The following NTNG1 variants were observed in gnomAD, a reference collection of about 807,000 sequenced individuals.
NTNG1 encodes netrin-G1.
Under a neutral mutation model 54.0 loss-of-function variants are expected in NTNG1, and 16 were observed. The observed-to-expected ratio is 0.30, with a 90% CI of 0.20 to 0.45. The LOEUF is 0.45. Among genes scored for constraint, NTNG1 ranks in the 20% least tolerant of loss-of-function variants. The pLI is 1.00. For missense variants in NTNG1, 530 were observed against 678.7 expected (o/e 0.78, Z 2.43); for synonymous variants, 255 against 263.1 (o/e 0.97, Z 0.30).
chr1:107,185,665 T>C (rs958381112), intron 2 of NTNG1, among the ~76,000 whole-genome samples: 2 of 152,152 alleles, frequency 1.3e-5, no homozygotes, highest in Non-Finnish European at 2.9e-5. Context: ...TCTTTAGCCT[T>C]GAAAGTTACG....
At chr1:107,353,594 C>T (rs1669762339) in intron 3 of NTNG1, among the ~76,000 whole-genome samples, 1 of 152,170 alleles carries the variant, frequency 6.6e-6, no homozygotes, top group Admixed American at 6.6e-5. Context: ...CTGTCTTCTT[C>T]TGAGCACTCC....
At chr1:107,342,054 C>T (rs569174353) in intron 3 of NTNG1, among the ~76,000 whole-genome samples, 99 of 152,084 alleles carry the variant, frequency 6.5e-4, no homozygotes, top group African/African-American at 2.2e-3. Flanking sequence ...ACATCAAAAA[C>T]CCATTTAAAA....
chr1:107,334,762 G>A (rs962728814), intron 3 of NTNG1, among the ~76,000 whole-genome samples: 38 of 151,928 alleles, frequency 2.5e-4, no homozygotes, highest in Admixed American at 1.7e-3. Context: ...TCTGCGTCCC[G>A]TGCCTACAAC....
intron 4 of NTNG1, among the ~76,000 whole-genome samples, chr1:107,396,243 T>C (rs1039701652): frequency 5.3e-5 from 8 of 152,114 alleles, no homozygotes; most frequent in Non-Finnish European, 1.2e-4. Flanking sequence ...AAGCCACTGC[T>C]TCCGTAGAAG....
intron 2 of NTNG1, among the ~76,000 whole-genome samples, chr1:107,207,880 G>A (rs1312149851): frequency 2.6e-5 from 4 of 152,104 alleles, no homozygotes; most frequent in Admixed American, 2.0e-4. Flanking sequence ...CACATGCCAT[G>A]GACTTAAACA....
intron 2 of NTNG1, among the ~76,000 whole-genome samples, chr1:107,270,122 C>T (rs1221530816): frequency 6.6e-6 from 1 of 152,166 alleles, no homozygotes; most frequent in Admixed American, 6.5e-5. Flanking sequence ...TCACCTTAAA[C>T]AGAAAGACAG....
intron 2 of NTNG1, among the ~76,000 whole-genome samples, chr1:107,206,257 G>A (rs1334273950): frequency 6.6e-6 from 1 of 152,054 alleles, no homozygotes; most frequent in African/African-American, 2.4e-5. Context: ...ACACTACCCA[G>A]AATGTATGAA....
At chr1:107,301,469 C>G (rs1274980004) in intron 2 of NTNG1, among the ~76,000 whole-genome samples, 3 of 152,180 alleles carry the variant, frequency 2.0e-5, no homozygotes, top group African/African-American at 7.2e-5. Context: ...TCAAACCCAT[C>G]TAATGTGTAC....
intron 2 of NTNG1, among the ~76,000 whole-genome samples, chr1:107,310,099 T>C (rs1455633886): frequency 6.6e-6 from 1 of 152,116 alleles, no homozygotes; most frequent in Non-Finnish European, 1.5e-5. Flanking sequence ...ATTGATTCCT[T>C]CTCCATTTCA....
At position 107,148,721 on chromosome 1, in the gene NTNG1, A is replaced by G; in HGVS notation, c.128A>G (p.Lys43Arg). 6.2e-7 allele frequency: 1 copy of G among 1,613,810 alleles called. No homozygotes were observed. Among genetic ancestry groups the G allele is most frequent in the Non-Finnish European group, 8.5e-7 (1 of 1,179,782 alleles). ...CKTQIYTEEG[K>R]VWDYMACQPE... ...ACTCAGATTTACACGGAAGAAGGGA[A>G]AGTTTGGGATTACATGGCCTGCCAG... is the stretch of plus-strand genomic sequence containing the variant. The change falls in exon 2 of 8, where the codon AAA becomes AGA. Residue 43 changes from lysine (K) to arginine (R), a missense_variant. This residue lies in a region of NTNG1 where 318 missense variants were observed against 465.1 expected (regional missense o/e 0.68). Coordinates refer to ENST00000370068, the MANE Select transcript of NTNG1 (RefSeq NM_001113226.3).
intron 3 of NTNG1, among the ~76,000 whole-genome samples, chr1:107,385,340 G>C (rs1426560827): frequency 2.6e-5 from 4 of 151,694 alleles, no homozygotes; most frequent in Non-Finnish European, 4.4e-5. Flanking sequence ...AGTCCATGTG[G>C]TCCTGGTCTC....
rs139969897 is a variant in NTNG1, at chr1:107,259,789, C to T, written c.247-64493C>T. On this transcript the variant is annotated intron_variant, in intron 2 of 7. Transcript: ENST00000370068. ...TGTGACGCAGATGACATATATCTTT[C>T]GCAGACTGATTTCTTTTGATTAGGT... Among the ~76,000 whole-genome samples the T allele has an allele frequency of 4.2e-3, 639 of 152,262 alleles. 5 individuals are homozygous for T. The highest frequency in any genetic ancestry group is 0.014 in the African/African-American group (598 of 41,566).
intron 4 of NTNG1, 147 bp downstream of exon 4, chr1:107,395,473 C>G: frequency 1.3e-6 from 1 of 792,456 alleles, no homozygotes; most frequent in Non-Finnish European, 2.3e-6. Context: ...CCCTATCTTA[C>G]CTCATGTAGA....
chr1:107,297,312 T>G (rs1192736011), intron 2 of NTNG1, among the ~76,000 whole-genome samples: 1 of 149,598 alleles, frequency 6.7e-6, no homozygotes, highest in Non-Finnish European at 1.5e-5. Flanking sequence ...AAGAACCTGA[T>G]GTATTCTAGC....
At chr1:107,184,153 C>T (rs1011588006) in intron 2 of NTNG1, among the ~76,000 whole-genome samples, 3 of 152,116 alleles carry the variant, frequency 2.0e-5, no homozygotes, top group Non-Finnish European at 4.4e-5. Context: ...ATGTTGTCAT[C>T]CAAGTCATGC....
chr1:107,325,863 T>G (rs976675993), intron 3 of NTNG1, among the ~76,000 whole-genome samples: 2 of 152,094 alleles, frequency 1.3e-5, no homozygotes, highest in African/African-American at 4.8e-5. Flanking sequence ...ATCTTTAAAT[T>G]GAAACATATG....
At chr1:107,418,702 C>A in intron 5 of NTNG1, 1 of 1,093,496 alleles carries the variant, frequency 9.1e-7, no homozygotes, top group Non-Finnish European at 1.4e-6. Flanking sequence ...GGGGAAAATC[C>A]TATATGCCAT....
intron 2 of NTNG1, among the ~76,000 whole-genome samples, chr1:107,207,908 C>T (rs577447576): frequency 1.6e-4 from 24 of 152,266 alleles, no homozygotes; most frequent in East Asian, 5.8e-4. Flanking sequence ...GCAGCCACAG[C>T]ATGGCAGCTG....
At chr1:107,146,152 G>T (rs186348913) in intron 1 of NTNG1, among the ~76,000 whole-genome samples, 66 of 152,056 alleles carry the variant, frequency 4.3e-4, no homozygotes, top group African/African-American at 1.3e-3. Context: ...AACACACAAT[G>T]CTCACTCCAT....
Sources: allele counts gnomAD v4.1 joint callset (sites outside exome capture counted in the v4.1 genomes callset), GRCh38; gene constraint gnomAD v4.1.1; regional missense constraint gnomAD v4.1.1; transcripts MANE v1.5; gene names NCBI Gene and HGNC (gene_info 2026-07-23, HGNC 2026-07-21).